The following ARHGAP39 variants were observed in gnomAD, a reference collection of about 807,000 sequenced individuals.
ARHGAP39 encodes the protein Rho GTPase activating protein 39, also known as rho GTPase-activating protein 39.
ARHGAP39 carries 44 observed loss-of-function variants against 106.9 expected under a neutral mutation model. The ratio of observed to expected loss-of-function variants is 0.41; its 90% CI spans 0.32 to 0.53. The LOEUF (loss-of-function observed/expected upper bound fraction) is 0.53. Ranked by LOEUF, ARHGAP39 falls within the 20% of genes least tolerant of loss-of-function variation. ARHGAP39 has a pLI of 0.21. For missense variants in ARHGAP39, 1,496 were observed against 1,577.3 expected (o/e 0.95, Z 0.87); for synonymous variants, 768 against 693.2 (o/e 1.11, Z -1.69).
chr8:144,693,982 G>A, the ARHGAP39 span, among the ~76,000 whole-genome samples: 1 of 152,118 alleles, frequency 6.6e-6, no homozygotes, highest in African/African-American at 2.4e-5. Context: ...AGAGAGGGAA[G>A]GGCTGAGCCA....
chr8:144,561,818 A>G (rs1818179812), intron 3 of ARHGAP39, among the ~76,000 whole-genome samples: 1 of 136,340 alleles, frequency 7.3e-6, no homozygotes, highest in African/African-American at 3.0e-5. Flanking sequence ...TTTCCATCAC[A>G]TCCCAGTGGT....
intron 4 of ARHGAP39, among the ~76,000 whole-genome samples, chr8:144,551,421 G>A (rs1817685089): frequency 6.6e-6 from 1 of 152,182 alleles, no homozygotes; most frequent in Non-Finnish European, 1.5e-5. Context: ...GGCTGGCACT[G>A]CCACGTGTGT....
rs373306476 is a variant in ARHGAP39 at position 144,547,135 on chromosome 8, G to A, written c.1951C>T (p.Pro651Ser). ...GCCCATTGGGCCCTCACCTGTGAGGGGTGGAGGTAGGGCTCTGGTGAGGCC... is the reference window on the plus strand; with the variant it reads ...GCCCATTGGGCCCTCACCTGTGAGGAGTGGAGGTAGGGCTCTGGTGAGGCC... ...NLASPEPYLH[P>S]SQSEDLAACA... The change falls in exon 5 of 12, where the codon CCC becomes TCC. Residue 651 changes from proline to serine, a missense_variant. By Grantham distance (74) the Pro-to-Ser change is moderately conservative. Around this residue, in one of 4 missense-constraint regions of ARHGAP39, gnomAD observed 905 missense variants for 816.4 expected, o/e 1.11. Coordinates refer to ENST00000377307, the MANE Select transcript of ARHGAP39 (RefSeq NM_025251.3). The surrounding 1 kb of genome is among the most constrained non-coding windows in gnomAD (Gnocchi z 5.2). 5.6e-6 allele frequency: 9 copies of A among 1,597,270 alleles called. No individual in the cohort carries two copies. The highest frequency in any genetic ancestry group is 2.7e-5 in the African/African-American group (2 of 74,608).
At chr8:144,666,236 A>G (rs557957612) in intron 1 of ARHGAP39, among the ~76,000 whole-genome samples, 11 of 152,334 alleles carry the variant, frequency 7.2e-5, no homozygotes, top group Admixed American at 5.2e-4. Context: ...GTATCTTGGA[A>G]TTAACTCGCT....
At chr8:144,562,428 CCCAGTGGTTTCCATCGGACT>C (rs1818221886) in intron 3 of ARHGAP39, among the ~76,000 whole-genome samples, 9 of 135,140 alleles carry the variant, frequency 6.7e-5, no homozygotes, top group Admixed American at 1.5e-4. Context: ...TCCATCGGAC[CCCAGTGGTTTCCATCGGACT>C]CCAGTGGTTT....
chr8:144,642,094 T>G (rs761125320), intron 1 of ARHGAP39, among the ~76,000 whole-genome samples: 3 of 152,184 alleles, frequency 2.0e-5, no homozygotes, highest in African/African-American at 4.8e-5. Flanking sequence ...TCTCAGCACT[T>G]TGGGATGCTG....
intron 1 of ARHGAP39, among the ~76,000 whole-genome samples, chr8:144,669,454 C>A (rs1822043776): frequency 7.6e-6 from 1 of 132,284 alleles, no homozygotes; most frequent in African/African-American, 3.0e-5. Context: ...TTGCAGTGAG[C>A]CAAGATCACA....
At chr8:144,572,677 A>G (rs1190251580) in intron 3 of ARHGAP39, among the ~76,000 whole-genome samples, 2 of 152,248 alleles carry the variant, frequency 1.3e-5, no homozygotes, top group African/African-American at 4.8e-5. Context: ...AACTACCATC[A>G]GAGTGAACAG....
upstream of ARHGAP39, among the ~76,000 whole-genome samples, chr8:144,686,919 CACT>C: frequency 1.4e-5 from 1 of 69,368 alleles, no homozygotes; most frequent in Non-Finnish European, 3.2e-5. Context: ...CGTGACCACA[CACT>C]GGCGGCGACC....
At chr8:144,696,101 C>G in the ARHGAP39 span, among the ~76,000 whole-genome samples, 1 of 152,160 alleles carries the variant, frequency 6.6e-6, no homozygotes, top group Admixed American at 6.5e-5. Context: ...CACGCTGCCT[C>G]CACTTTGCTC....
At chr8:144,656,837 G>A (rs975490899) in intron 1 of ARHGAP39, among the ~76,000 whole-genome samples, 21 of 126,232 alleles carry the variant, frequency 1.7e-4, no homozygotes, top group African/African-American at 5.3e-4. Context: ...AAAAAAGTGA[G>A]TCTAAGCGTA....
intron 3 of ARHGAP39, among the ~76,000 whole-genome samples, chr8:144,565,091 C>A (rs991170305): frequency 6.6e-6 from 1 of 151,902 alleles, no homozygotes; most frequent in Non-Finnish European, 1.5e-5. Flanking sequence ...GCCTGGGCAA[C>A]AAGAGTGAAT....
intron 3 of ARHGAP39, among the ~76,000 whole-genome samples, chr8:144,563,795 AAAT>A (rs1053440633): frequency 3.3e-5 from 5 of 151,926 alleles, no homozygotes; most frequent in African/African-American, 9.7e-5. Context: ...TATCTAAAAA[AAAT>A]AATAATAAAA....
Position 144,530,069 on chromosome 8 carries a change from G to A in ARHGAP39, c.*353C>T. ...GGCTGGGCAAGGCCCAGGCCAGGGC[G>A]CGCAGGAGCCACAGGGAGGCAGCCC... On this transcript the variant is annotated 3_prime_UTR_variant, in exon 12 of 12. Coordinates refer to ENST00000377307, the MANE Select transcript of ARHGAP39 (RefSeq NM_025251.3). The A allele has an allele frequency of 7.3e-6, 2 of 273,502 alleles. No homozygotes were observed. The highest frequency in any genetic ancestry group is 1.1e-4 in the South Asian group (2 of 18,156). 16.9% of individuals were successfully genotyped at this position (273,502 alleles called of 1,614,324 possible).
At chr8:144,535,126 G>A (rs1299507786) in intron 7 of ARHGAP39, among the ~76,000 whole-genome samples, 3 of 152,172 alleles carry the variant, frequency 2.0e-5, no homozygotes, top group African/African-American at 7.2e-5. Flanking sequence ...AGGGTGAGGG[G>A]GGCCTCTGGA....
chr8:144,682,470 A>G (rs1822450670), intron 1 of ARHGAP39, among the ~76,000 whole-genome samples: 1 of 146,924 alleles, frequency 6.8e-6, no homozygotes, highest in South Asian at 2.2e-4. Context: ...AATGGTGTGA[A>G]CCCAGGAGGC....
intron 2 of ARHGAP39, among the ~76,000 whole-genome samples, chr8:144,598,276 AG>A (rs1376871066): frequency 6.6e-6 from 1 of 152,054 alleles, no homozygotes; most frequent in Non-Finnish European, 1.5e-5. Flanking sequence ...TTGCGTGTAA[AG>A]GGGAAACTCG....
rs1817501528 is a variant in ARHGAP39 at position 144,547,634 on chromosome 8, G to A, written c.1452C>T (p.Ser484=). The A allele has an allele frequency of 2.0e-6, 3 of 1,522,760 alleles. No homozygotes were observed. The highest frequency in any genetic ancestry group is 4.7e-5 in the East Asian group (2 of 42,116). 94.3% of individuals were successfully genotyped at this position (1,522,760 alleles called of 1,614,324 possible). Residue 484 remains serine (S), a synonymous_variant, in exon 5 of 12, where the codon TCC becomes TCT. Coordinates refer to ENST00000377307, the MANE Select transcript of ARHGAP39 (RefSeq NM_025251.3). This position sits in a 1 kb window ranked among gnomAD's most constrained non-coding sequence, Gnocchi z 5.2. The stretch of plus-strand genomic sequence containing the variant: ...TGCGCGTGCCCGGGGAGTAGCCTGT[G>A]GAGGACAGGGTGTCCTGCTGGCTGG... ...SWSSQQDTLS[S]TGYSPGTRKR... is the part of the protein sequence containing the mutation.
intron 3 of ARHGAP39, among the ~76,000 whole-genome samples, chr8:144,579,004 C>T (rs945734672): frequency 2.6e-5 from 4 of 151,562 alleles, no homozygotes; most frequent in African/African-American, 9.7e-5. Context: ...AGATCAAGAC[C>T]ATCCTGGCTA....
Sources: allele counts gnomAD v4.1 joint callset (sites outside exome capture counted in the v4.1 genomes callset), GRCh38; gene constraint gnomAD v4.1.1; regional missense constraint gnomAD v4.1.1; non-coding constraint Gnocchi (gnomAD v3.1); transcripts MANE v1.5; gene names NCBI Gene and HGNC (gene_info 2026-07-23, HGNC 2026-07-21).